Variants in PHF24 observed in about 807,000 individuals in gnomAD.
PHF24 encodes Galpha inhibitory interacting protein.
A neutral mutation model predicts 42.6 loss-of-function variants in PHF24; 25 were observed. The ratio of observed to expected loss-of-function variants is 0.59; its 90% CI spans 0.43 to 0.82. The LOEUF is 0.82. PHF24 is among the 40% of genes least tolerant of loss of function. PHF24 has a pLI of 0.00. For missense variants in PHF24, 470 were observed against 538.1 expected, an observed-to-expected ratio of 0.87 and a Z score of 1.25; for synonymous variants, 185 against 204.8, an observed-to-expected ratio of 0.90 and a Z score of 0.83.
the PHF24 span, chr9:34,918,203 T>C: frequency 6.8e-7 from 1 of 1,471,478 alleles, no homozygotes; most frequent in Non-Finnish European, 9.5e-7. Context: ...ATCACCCCTC[T>C]GCCAACTGTG....
At chr9:34,960,403 A>G (rs1387996299) in intron 1 of PHF24, among the ~76,000 whole-genome samples, 1 of 152,162 alleles carries the variant, frequency 6.6e-6, no homozygotes, top group Non-Finnish European at 1.5e-5. Flanking sequence ...TAACTCAGTG[A>G]TGCTACCTTG....
At chr9:34,710,419 A>AC in the PHF24 span, among the ~76,000 whole-genome samples, 4 of 146,050 alleles carry the variant, frequency 2.7e-5, no homozygotes, top group Non-Finnish European at 6.0e-5. Context: ...CAGGATCCAT[A>AC]CCCTTCCCCT....
chr9:34,904,363 T>C, the PHF24 span, among the ~76,000 whole-genome samples: 1 of 152,176 alleles, frequency 6.6e-6, no homozygotes, highest in Non-Finnish European at 1.5e-5. Flanking sequence ...TGTGGGTTTG[T>C]CGTGGATGGC....
At chr9:34,665,950 G>A in the PHF24 span, 3 of 512,388 alleles carry the variant, frequency 5.9e-6, no homozygotes, top group African/African-American at 2.0e-5. Context: ...TGGGGCCCTG[G>A]GTGAGGATTT....
At chr9:34,888,101 G>A in the PHF24 span, among the ~76,000 whole-genome samples, 2 of 152,010 alleles carry the variant, frequency 1.3e-5, no homozygotes, top group African/African-American at 4.8e-5. Flanking sequence ...CTCTCAGCCT[G>A]GGAAAGCCTC....
At chr9:34,814,762 C>T in the PHF24 span, among the ~76,000 whole-genome samples, 14 of 152,298 alleles carry the variant, frequency 9.2e-5, no homozygotes, top group Middle Eastern at 3.4e-3. Flanking sequence ...TGTTTTTTGA[C>T]GGAGTCCCAC....
the PHF24 span, among the ~76,000 whole-genome samples, chr9:34,803,914 G>T: frequency 6.6e-6 from 1 of 152,248 alleles, no homozygotes; most frequent in East Asian, 1.9e-4. Context: ...ATAGCTGCTG[G>T]AAGAAATTTC....
At chr9:34,749,856 T>C in the PHF24 span, among the ~76,000 whole-genome samples, 1 of 150,540 alleles carries the variant, frequency 6.6e-6, no homozygotes, top group African/African-American at 2.5e-5. Flanking sequence ...CAACATGTAA[T>C]GGAGCTCCAA....
At chr9:34,706,010 A>G in the PHF24 span, among the ~76,000 whole-genome samples, 5 of 152,228 alleles carry the variant, frequency 3.3e-5, no homozygotes, top group African/African-American at 1.2e-4. Context: ...TCATATGATG[A>G]AGAATTTGAA....
chr9:34,900,322 A>G, the PHF24 span, among the ~76,000 whole-genome samples: 2 of 152,198 alleles, frequency 1.3e-5, no homozygotes, highest in Non-Finnish European at 2.9e-5. Context: ...GTGAAGGCCA[A>G]GCACAGTGGC....
the PHF24 span, among the ~76,000 whole-genome samples, chr9:34,897,364 A>C: frequency 6.6e-6 from 1 of 152,234 alleles, no homozygotes; most frequent in Non-Finnish European, 1.5e-5. Context: ...CACAAGAAGC[A>C]AAAGCCAACA....
chr9:34,774,588 A>G, the PHF24 span, among the ~76,000 whole-genome samples: 2 of 152,302 alleles, frequency 1.3e-5, no homozygotes, highest in South Asian at 4.1e-4. Flanking sequence ...CCTGGCCAAC[A>G]TGGTGAAACC....
chr9:34,751,231 G>T, the PHF24 span, among the ~76,000 whole-genome samples: 1 of 152,158 alleles, frequency 6.6e-6, no homozygotes, highest in Non-Finnish European at 1.5e-5. Flanking sequence ...CAGGCATGGT[G>T]GCAGGTGCCT....
the PHF24 span, among the ~76,000 whole-genome samples, chr9:34,742,511 G>GTT: frequency 6.6e-6 from 1 of 152,112 alleles, no homozygotes; most frequent in African/African-American, 2.4e-5. Context: ...CTAACTTACG[G>GTT]TTGTCACACC....
chr9:34,817,391 C>T, the PHF24 span, among the ~76,000 whole-genome samples: 1 of 152,028 alleles, frequency 6.6e-6, no homozygotes, highest in Non-Finnish European at 1.5e-5. Context: ...ACTACAGGTG[C>T]ACATCACTGT....
intron 2 of PHF24, 106 bp from the exon 3 acceptor site, chr9:34,972,240 A>G: frequency 3.0e-6 from 3 of 1,002,000 alleles, no homozygotes; most frequent in South Asian, 3.6e-5. Flanking sequence ...CCTCTAGGCT[A>G]ATCTGGGAAG....
At chr9:34,699,487 C>G in the PHF24 span, among the ~76,000 whole-genome samples, 1 of 152,230 alleles carries the variant, frequency 6.6e-6, no homozygotes, top group Admixed American at 6.5e-5. Flanking sequence ...CAACCCTGCT[C>G]TCACCTCTGT....
the PHF24 span, among the ~76,000 whole-genome samples, chr9:34,715,535 G>A: frequency 2.6e-5 from 4 of 152,150 alleles, no homozygotes; most frequent in South Asian, 4.1e-4. Context: ...CTGCACATCC[G>A]AGATGTGGGT....
the PHF24 span, among the ~76,000 whole-genome samples, chr9:34,776,076 C>T: frequency 1.3e-5 from 2 of 152,150 alleles, no homozygotes; most frequent in Non-Finnish European, 1.5e-5. Context: ...TTAGTGGCTG[C>T]CAGAGGCTGG....
Sources: gnomAD v4.1 joint callset for allele counts (sites outside exome capture counted in the v4.1 genomes callset) on GRCh38, gnomAD v4.1.1 for gene constraint, MANE v1.5 for transcripts, NCBI Gene and HGNC (gene_info 2026-07-23, HGNC 2026-07-21) for gene names.